The following OXR1 variants were observed in gnomAD, a reference collection of about 807,000 sequenced individuals.
OXR1 encodes oxidation resistance protein 1.
Under a neutral mutation model 104.6 loss-of-function variants are expected in OXR1, and 41 were observed. That is an observed-to-expected ratio of 0.39 (90% CI 0.31 to 0.51). The LOEUF is 0.51. OXR1 is among the 20% of genes least tolerant of loss of function. The pLI is 0.77. For missense variants in OXR1, 955 were observed against 1,031.9 expected, an observed-to-expected ratio of 0.93 and a Z score of 1.02; for synonymous variants, 348 against 348.4, an observed-to-expected ratio of 1.00 and a Z score of 0.01.
At chr8:106,331,478 T>C (rs1814711558) in intron 1 of OXR1, among the ~76,000 whole-genome samples, 2 of 152,060 alleles carry the variant, frequency 1.3e-5, no homozygotes. Flanking sequence ...AAATAAATTA[T>C]AAAATATTTT....
chr8:106,743,285 G>A (rs948701557), intron 15 of OXR1, among the ~76,000 whole-genome samples: 1 of 152,082 alleles, frequency 6.6e-6, no homozygotes, highest in Non-Finnish European at 1.5e-5. Flanking sequence ...ACAGATGCTG[G>A]CAAGGTTGCA....
At chr8:106,381,657 T>C (rs1817154239) in intron 2 of OXR1, among the ~76,000 whole-genome samples, 1 of 152,198 alleles carries the variant, frequency 6.6e-6, no homozygotes, top group Non-Finnish European at 1.5e-5. Context: ...GTTTCTAATC[T>C]TCATTAAATT....
intron 2 of OXR1, among the ~76,000 whole-genome samples, chr8:106,415,835 T>C (rs1321050429): frequency 6.6e-6 from 1 of 152,160 alleles, no homozygotes; most frequent in Non-Finnish European, 1.5e-5. Flanking sequence ...AGATTGTGTG[T>C]CTCTCAAAGA....
chr8:106,513,921 T>C (rs531343706), intron 2 of OXR1, among the ~76,000 whole-genome samples: 1 of 152,224 alleles, frequency 6.6e-6, no homozygotes, highest in East Asian at 1.9e-4. Flanking sequence ...AGGAAGGCAT[T>C]GGAATACATG....
At chr8:106,618,270 G>T in intron 3 of OXR1, 6 of 1,083,520 alleles carry the variant, frequency 5.5e-6, no homozygotes, top group Non-Finnish European at 8.2e-6. Flanking sequence ...ACTTTATGTT[G>T]CATTTTCAAA....
chr8:106,285,142 G>A (rs905668859), intron 1 of OXR1, among the ~76,000 whole-genome samples: 1 of 151,992 alleles, frequency 6.6e-6, no homozygotes, highest in East Asian at 1.9e-4. Flanking sequence ...AACAGGCCCC[G>A]GTGTGTGATG....
chr8:106,379,443 G>A (rs1337629719), intron 2 of OXR1, among the ~76,000 whole-genome samples: 1 of 151,118 alleles, frequency 6.6e-6, no homozygotes, highest in East Asian at 1.9e-4. Context: ...CCTATTTGTT[G>A]TGGCATTTAA....
At chr8:106,437,062 G>A (rs2130578290) in intron 2 of OXR1, among the ~76,000 whole-genome samples, 1 of 152,264 alleles carries the variant, frequency 6.6e-6, no homozygotes, top group Non-Finnish European at 1.5e-5. Flanking sequence ...TCAGGACTCA[G>A]ATCCAGATTC....
intron 1 of OXR1, among the ~76,000 whole-genome samples, chr8:106,307,895 C>T (rs1324526009): frequency 6.6e-6 from 1 of 151,870 alleles, no homozygotes; most frequent in African/African-American, 2.4e-5. Context: ...TATCATATGT[C>T]CATTTTCTGA....
At chr8:106,577,976 C>T (rs1817975375) in intron 3 of OXR1, among the ~76,000 whole-genome samples, 1 of 152,186 alleles carries the variant, frequency 6.6e-6, no homozygotes, top group African/African-American at 2.4e-5. Flanking sequence ...CCATTGTACC[C>T]TGCTCTTCAG....
At chr8:106,749,605 A>G (rs1167302368) in intron 16 of OXR1, among the ~76,000 whole-genome samples, 1 of 152,140 alleles carries the variant, frequency 6.6e-6, no homozygotes, top group East Asian at 1.9e-4. Context: ...ACAAGTCTTG[A>G]TCCCAGACCA....
intron 3 of OXR1, among the ~76,000 whole-genome samples, chr8:106,627,284 T>G (rs111809811): frequency 1.3e-4 from 20 of 152,278 alleles, no homozygotes; most frequent in African/African-American, 4.8e-4. Flanking sequence ...CTTCGACATG[T>G]CTTAAACTTC....
At chr8:106,544,447 T>A (rs1045500945) in intron 3 of OXR1, among the ~76,000 whole-genome samples, 3 of 152,192 alleles carry the variant, frequency 2.0e-5, no homozygotes, top group Non-Finnish European at 4.4e-5. Flanking sequence ...AGCTAAAAGG[T>A]TATACCTCAT....
intron 2 of OXR1, among the ~76,000 whole-genome samples, chr8:106,408,047 G>A (rs1307256081): frequency 1.3e-5 from 2 of 152,270 alleles, no homozygotes; most frequent in Non-Finnish European, 1.5e-5. Flanking sequence ...CATGGCTTGA[G>A]GTAGTACCTA....
intron 2 of OXR1, among the ~76,000 whole-genome samples, chr8:106,463,898 T>A (rs760258237): frequency 6.6e-6 from 1 of 152,122 alleles, no homozygotes; most frequent in Non-Finnish European, 1.5e-5. Context: ...GCCTGACTTA[T>A]CTGTGTAGCA....
intron 7 of OXR1, 84 bp downstream of exon 7, chr8:106,692,961 T>G: frequency 1.1e-6 from 1 of 947,424 alleles, no homozygotes. Flanking sequence ...ACATTTTAAG[T>G]CATCAATGTC....
At chr8:106,694,947 A>G (rs1251454384) in intron 7 of OXR1, among the ~76,000 whole-genome samples, 1 of 140,016 alleles carries the variant, frequency 7.1e-6, no homozygotes, top group Non-Finnish European at 1.5e-5. Context: ...ATAAATATAA[A>G]ATATTTATAT....
chr8:106,490,146 C>T (rs1220014720), intron 2 of OXR1, among the ~76,000 whole-genome samples: 1 of 152,196 alleles, frequency 6.6e-6, no homozygotes, highest in African/African-American at 2.4e-5. Context: ...ATCTTCGCCA[C>T]CAGCCAGCAG....
chr8:106,405,515 C>T (rs1028236411), intron 2 of OXR1, among the ~76,000 whole-genome samples: 7 of 152,090 alleles, frequency 4.6e-5, no homozygotes, highest in Non-Finnish European at 1.0e-4. Flanking sequence ...TGATTTGCTT[C>T]AGCCCACAAA....
Sources: gnomAD v4.1 joint callset for allele counts (sites outside exome capture counted in the v4.1 genomes callset) on GRCh38, gnomAD v4.1.1 for gene constraint, MANE v1.5 for transcripts, NCBI Gene and HGNC (gene_info 2026-07-23, HGNC 2026-07-21) for gene names.